Variants in GATAD2B observed in about 807,000 individuals in gnomAD.
GATAD2B encodes GATA zinc finger domain containing 2B.
In GATAD2B, 8 loss-of-function variants were observed where a neutral mutation model predicts 64.3. The ratio of observed to expected loss-of-function variants is 0.12; its 90% CI spans 0.07 to 0.22. The LOEUF (loss-of-function observed/expected upper bound fraction) is 0.22, where lower values mean the gene tolerates loss of function less well. GATAD2B is among the 10% of genes least tolerant of loss of function. The pLI is 1.00. For synonymous variants in GATAD2B, 281 were observed against 271.3 expected, an observed-to-expected ratio of 1.04 and a Z score of -0.35; for missense variants, 453 against 752.0, an observed-to-expected ratio of 0.60 and a Z score of 4.65.
At chr1:153,920,035 T>C (rs1678383798) in intron 1 of GATAD2B, among the ~76,000 whole-genome samples, 1 of 152,266 alleles carries the variant, frequency 6.6e-6, no homozygotes, top group East Asian at 1.9e-4. Context: ...GAGGGGCTGC[T>C]TGTCAGCATG....
In GATAD2B at chr1:153,807,988, A is replaced by G. The variant is rs1354751302; in HGVS notation, c.*2189T>C. The G allele has an allele frequency of 7.9e-5, 12 of 152,666 alleles. No individual in the cohort carries two copies. The highest frequency in any genetic ancestry group is 1.6e-4 in the Non-Finnish European group (11 of 68,002). The allele number at this position is 152,666 out of a possible 1,614,324, so 9.5% of individuals were successfully genotyped here. On this transcript the variant is annotated 3_prime_UTR_variant, in exon 11 of 11. Coordinates refer to ENST00000368655, the MANE Select transcript of GATAD2B (RefSeq NM_020699.4). Reference sequence around the variant, plus strand: ...AGCTTCCAATTTTGTGGAAGAGAGAAAAGCAAAACCAAACAATTTATCCAG... The same window carrying G: ...AGCTTCCAATTTTGTGGAAGAGAGAGAAGCAAAACCAAACAATTTATCCAG...
In GATAD2B at chr1:153,867,348, T is replaced by G. The variant is rs1021344036; in HGVS notation, c.-1-39000A>C. The stretch of plus-strand genomic sequence containing the variant: ...AGCAACCAGGAGGTTAGAAATAAAT[T>G]TGGCAAATCAGAGAAAATAATCTGA... On this transcript the variant is annotated intron_variant, in intron 1 of 10. Transcript: ENST00000368655. 3.9e-5 allele frequency among the ~76,000 whole-genome samples: 6 copies of G among 152,144 alleles called. No homozygotes were observed. In the East Asian group the frequency reaches 9.7e-4, roughly 24 times the overall value.
chr1:153,899,464 G>A (rs1677699759), intron 1 of GATAD2B, among the ~76,000 whole-genome samples: 1 of 151,966 alleles, frequency 6.6e-6, no homozygotes, highest in Non-Finnish European at 1.5e-5. Flanking sequence ...CAACTTGGGA[G>A]GCTGAGGCAG....
At chr1:153,873,549 G>C (rs1676734633) in intron 1 of GATAD2B, among the ~76,000 whole-genome samples, 1 of 152,144 alleles carries the variant, frequency 6.6e-6, no homozygotes, top group Non-Finnish European at 1.5e-5. Context: ...GTGATGCCCT[G>C]TGCCACTCTG....
intron 1 of GATAD2B, among the ~76,000 whole-genome samples, chr1:153,898,357 G>C (rs1166186009): frequency 2.8e-5 from 4 of 141,670 alleles, no homozygotes; most frequent in Non-Finnish European, 6.2e-5. Context: ...AAAACAAAAA[G>C]AAAAGAAAAA....
chr1:153,871,682 G>C (rs185374822), intron 1 of GATAD2B, among the ~76,000 whole-genome samples: 1 of 151,986 alleles, frequency 6.6e-6, no homozygotes, highest in Admixed American at 6.6e-5. Context: ...TGTTGGGCAG[G>C]CTGGTCTCGA....
intron 1 of GATAD2B, among the ~76,000 whole-genome samples, chr1:153,913,686 A>C (rs1018502231): frequency 6.6e-6 from 1 of 152,204 alleles, no homozygotes; most frequent in Non-Finnish European, 1.5e-5. Context: ...TGGGAGGCCA[A>C]GGCAGGCAGA....
In GATAD2B at chr1:153,819,656, T is replaced by C. The variant is rs150914014; in HGVS notation, c.415A>G (p.Ser139Gly). Residue 139 changes from serine (S) to glycine (G), a missense_variant, in exon 3 of 11, where the codon AGT becomes GGT. This residue lies in a region of GATAD2B where 293 missense variants were observed against 417.2 expected (regional missense o/e 0.70). Transcript: ENST00000368655. ...TTGAGTCTTTCTTCCATTCTGGAAC[T>C]GGAACGGGGACTGGAAGCCTCATTG... is the stretch of plus-strand genomic sequence containing the variant. ...SDNEASSPRS[S>G]SRMEERLKAA... 546 of 1,611,488 alleles carry C rather than the reference T, an allele frequency of 3.4e-4. No homozygotes were observed. The highest frequency in any genetic ancestry group is 2.6e-3 in the Middle Eastern group (16 of 6,060).
At chr1:153,871,826 T>C (rs553268627) in intron 1 of GATAD2B, among the ~76,000 whole-genome samples, 10 of 152,140 alleles carry the variant, frequency 6.6e-5, no homozygotes, top group Non-Finnish European at 1.2e-4. Context: ...GGCCCGTGCC[T>C]GTAGTCCCAA....
intron 1 of GATAD2B, among the ~76,000 whole-genome samples, chr1:153,857,501 G>C (rs117962507): frequency 1.3e-5 from 2 of 151,976 alleles, no homozygotes; most frequent in Non-Finnish European, 2.9e-5. Context: ...ATAGAAAACG[G>C]ATGCCCTTTT....
chr1:153,834,551 C>T (rs1437064922), intron 1 of GATAD2B, among the ~76,000 whole-genome samples: 1 of 151,942 alleles, frequency 6.6e-6, no homozygotes, highest in African/African-American at 2.4e-5. Context: ...ACCCCAGGCC[C>T]AGCTAATTTT....
At chr1:153,824,543 C>T (rs1674801408) in intron 2 of GATAD2B, among the ~76,000 whole-genome samples, 2 of 139,884 alleles carry the variant, frequency 1.4e-5, no homozygotes, top group South Asian at 4.5e-4. Context: ...ACCCAGGAGA[C>T]GGAGGTTGCA....
At chr1:153,915,109 G>C (rs1678222930) in intron 1 of GATAD2B, among the ~76,000 whole-genome samples, 1 of 152,048 alleles carries the variant, frequency 6.6e-6, no homozygotes, top group Non-Finnish European at 1.5e-5. Flanking sequence ...TATAATCCCA[G>C]CTACTCAGGA....
intron 1 of GATAD2B, among the ~76,000 whole-genome samples, chr1:153,830,686 G>A (rs1027501591): frequency 6.8e-6 from 1 of 147,922 alleles, no homozygotes; most frequent in Non-Finnish European, 1.5e-5. Context: ...TGTTTTAGCC[G>A]GGATGGTCTC....
At chr1:153,898,236 G>C (rs1677659448) in intron 1 of GATAD2B, among the ~76,000 whole-genome samples, 1 of 137,120 alleles carries the variant, frequency 7.3e-6, no homozygotes, top group Non-Finnish European at 1.5e-5. Context: ...AGAACCCAAA[G>C]TTCAAGCCTG....
At chr1:153,822,971 G>C (rs2101886568) in intron 2 of GATAD2B, among the ~76,000 whole-genome samples, 2 of 152,120 alleles carry the variant, frequency 1.3e-5, no homozygotes, top group South Asian at 4.2e-4. Flanking sequence ...TTTTTGTAGA[G>C]AAGGGGTCTC....
At chr1:153,839,098 G>A (rs1675375672) in intron 1 of GATAD2B, among the ~76,000 whole-genome samples, 1 of 86,518 alleles carries the variant, frequency 1.2e-5, no homozygotes, top group Non-Finnish European at 2.0e-5. Flanking sequence ...GACAGAACGA[G>A]ACCCTGTCTC....
chr1:153,833,697 C>A (rs2101895889), intron 1 of GATAD2B, among the ~76,000 whole-genome samples: 2 of 150,598 alleles, frequency 1.3e-5, no homozygotes, highest in Middle Eastern at 6.9e-3. Flanking sequence ...GTAATCCCAG[C>A]TACATGGGAG....
At chr1:153,918,765 C>T (rs946699129) in intron 1 of GATAD2B, among the ~76,000 whole-genome samples, 1 of 151,992 alleles carries the variant, frequency 6.6e-6, no homozygotes, top group Non-Finnish European at 1.5e-5. Flanking sequence ...CCAGCCTGGC[C>T]AACATGGTGA....
Sources: allele counts gnomAD v4.1 joint callset (sites outside exome capture counted in the v4.1 genomes callset), GRCh38; gene constraint gnomAD v4.1.1; regional missense constraint gnomAD v4.1.1; transcripts MANE v1.5; gene names NCBI Gene and HGNC (gene_info 2026-07-23, HGNC 2026-07-21).